Variants in AMOTL1 observed in about 807,000 individuals in gnomAD.
The protein encoded by AMOTL1 is angiomotin like 1.
Under a neutral mutation model 102.9 loss-of-function variants are expected in AMOTL1, and 45 were observed. The ratio of observed to expected loss-of-function variants is 0.44; its 90% CI spans 0.34 to 0.56. The LOEUF is 0.56. Ranked by LOEUF, AMOTL1 falls within the 20% of genes least tolerant of loss-of-function variation. AMOTL1 has a pLI of 0.01. For missense variants in AMOTL1, 1,114 were observed against 1,225.6 expected (o/e 0.91, Z 1.36); for synonymous variants, 481 against 484.7 (o/e 0.99, Z 0.10).
intron 4 of AMOTL1, among the ~76,000 whole-genome samples, chr11:94,828,448 G>A (rs1952009017): frequency 6.6e-6 from 1 of 152,012 alleles, no homozygotes; most frequent in Non-Finnish European, 1.5e-5. Context: ...ACTTGGATGA[G>A]ATCAGAGTTA....
At chr11:94,816,984 G>A (rs1027884290) in intron 3 of AMOTL1, among the ~76,000 whole-genome samples, 8 of 152,072 alleles carry the variant, frequency 5.3e-5, no homozygotes, top group African/African-American at 1.2e-4. Context: ...CAGCATATGA[G>A]CCTCTGTGTC....
At chr11:94,854,279 C>T (rs1406487534) in intron 8 of AMOTL1, among the ~76,000 whole-genome samples, 197 bp downstream of exon 8, 1 of 152,196 alleles carries the variant, frequency 6.6e-6, no homozygotes, top group Admixed American at 6.5e-5. Context: ...CAGATGTCCT[C>T]ACAGAGAGAA....
intron 3 of AMOTL1, among the ~76,000 whole-genome samples, chr11:94,744,051 A>G (rs1182970489): frequency 3.3e-5 from 5 of 152,194 alleles, no homozygotes; most frequent in Non-Finnish European, 5.9e-5. Flanking sequence ...CAGATGTCCT[A>G]GAATTTAATT....
chr11:94,866,360 C>A (rs571674213), intron 11 of AMOTL1, 192 bp downstream of exon 11: 69 of 614,504 alleles, frequency 1.1e-4, no homozygotes, highest in African/African-American at 1.1e-3. Flanking sequence ...AAAGACTGCA[C>A]CACTGGAGTA....
intron 4 of AMOTL1, among the ~76,000 whole-genome samples, chr11:94,826,913 T>C (rs530204564): frequency 1.1e-4 from 16 of 152,218 alleles, no homozygotes; most frequent in Non-Finnish European, 2.1e-4. Flanking sequence ...TCTAAGCAGA[T>C]AACCTTATGT....
intron 3 of AMOTL1, among the ~76,000 whole-genome samples, chr11:94,802,862 G>A (rs1305721504): frequency 1.3e-5 from 2 of 152,232 alleles, no homozygotes; most frequent in African/African-American, 4.8e-5. Context: ...TCAGCAGTGT[G>A]TCATGTTCAA....
intron 11 of AMOTL1, among the ~76,000 whole-genome samples, chr11:94,867,876 G>A (rs972370748): frequency 6.6e-6 from 1 of 152,204 alleles, no homozygotes; most frequent in Non-Finnish European, 1.5e-5. Context: ...AGGCACAGTT[G>A]GGTTTGAGTC....
At chr11:94,849,982 A>G in intron 6 of AMOTL1, 132 bp from the exon 7 acceptor site, 2 of 1,146,226 alleles carry the variant, frequency 1.7e-6, no homozygotes, top group Middle Eastern at 2.1e-4. Flanking sequence ...AAAAGGGAGC[A>G]GAAACAGCAA....
At chr11:94,812,073 G>A (rs914625309) in intron 3 of AMOTL1, among the ~76,000 whole-genome samples, 6 of 152,262 alleles carry the variant, frequency 3.9e-5, no homozygotes, top group East Asian at 1.9e-4. Flanking sequence ...GGGATTCTCC[G>A]GAGGGGAAGT....
chr11:94,822,014 A>G (rs548005430), intron 4 of AMOTL1, among the ~76,000 whole-genome samples, 193 bp downstream of exon 4: 3 of 152,270 alleles, frequency 2.0e-5, no homozygotes, highest in Admixed American at 2.0e-4. Flanking sequence ...AAAAGGGGAG[A>G]GAGTTGCATA....
In AMOTL1 at chr11:94,869,412, G is replaced by A. The variant is rs755363731; in HGVS notation, c.2703G>A (p.Thr901=). 38 of 1,604,980 alleles carry A rather than the reference G, an allele frequency of 2.4e-5. No homozygotes were observed. Among genetic ancestry groups the A allele is most frequent in the Middle Eastern group, 1.6e-4 (1 of 6,074 alleles). Reference sequence around the variant, plus strand: ...TTCCCAGCCGCGGCCGGCTGAGCACGACCCCTGCTCACAGCCCCGTCCTGA... The same window carrying A: ...TTCCCAGCCGCGGCCGGCTGAGCACAACCCCTGCTCACAGCCCCGTCCTGA... ...ASLPSRGRLS[T]TPAHSPVLKH... is the part of the protein sequence containing the mutation. Residue 901 remains threonine (T), a synonymous_variant, in exon 12 of 13, where the codon ACG becomes ACA. Transcript: ENST00000433060.
Position 94,824,530 on chromosome 11 carries a change from G to C in AMOTL1, c.1413+2709G>C, listed in dbSNP as rs144723000. Among the ~76,000 whole-genome samples, 228 of 152,260 alleles carry C rather than the reference G, an allele frequency of 1.5e-3. 2 individuals are homozygous for C. Among genetic ancestry groups the C allele is most frequent in the African/African-American group, 5.2e-3 (216 of 41,540 alleles). ...GTTGGATAACTGTTCTCAACAACTA[G>C]GACCAAGAGACACAAGAGTTGCATG... On this transcript the variant is annotated intron_variant, in intron 4 of 12. Transcript: ENST00000433060.
upstream of AMOTL1, among the ~76,000 whole-genome samples, chr11:94,767,871 A>G (rs757496572): frequency 2.0e-5 from 3 of 152,136 alleles, no homozygotes; most frequent in Non-Finnish European, 4.4e-5. Flanking sequence ...AACGGAGCAC[A>G]TAGTAGCAGC....
chr11:94,855,565 C>T (rs1240250095), intron 8 of AMOTL1, among the ~76,000 whole-genome samples: 4 of 152,160 alleles, frequency 2.6e-5, no homozygotes, highest in African/African-American at 9.7e-5. Flanking sequence ...ACCAAATGGG[C>T]ACATCTCGGT....
chr11:94,724,603 G>T (rs1030406462), intron 1 of AMOTL1, among the ~76,000 whole-genome samples: 1 of 152,052 alleles, frequency 6.6e-6, no homozygotes, highest in African/African-American at 2.4e-5. Flanking sequence ...GCTTGTACTT[G>T]GTATGTTGTT....
intron 6 of AMOTL1, among the ~76,000 whole-genome samples, chr11:94,833,683 T>C (rs1952118756): frequency 6.6e-6 from 1 of 152,158 alleles, no homozygotes; most frequent in African/African-American, 2.4e-5. Context: ...GAGGAGAAAT[T>C]CATGAGGGAC....
intron 6 of AMOTL1, among the ~76,000 whole-genome samples, chr11:94,839,122 G>A (rs1043145736): frequency 1.3e-5 from 2 of 152,202 alleles, no homozygotes; most frequent in Admixed American, 6.5e-5. Flanking sequence ...TCTGATGGCC[G>A]CCACAAGTGT....
chr11:94,839,214 C>T (rs1952245626), intron 6 of AMOTL1, among the ~76,000 whole-genome samples: 1 of 152,212 alleles, frequency 6.6e-6, no homozygotes, highest in African/African-American at 2.4e-5. Context: ...AGTTTCCATC[C>T]TTCAGGTCCT....
At position 94,856,225 on chromosome 11, in the gene AMOTL1, G is replaced by A. The variant is rs186794451; in HGVS notation, c.1944+2143G>A. ...TGGGACCAGAAGTGTTTTAGATTTT[G>A]TATTTTCAGGTTTAGGATGCTCAAT... is the stretch of plus-strand genomic sequence containing the variant. On this transcript the variant is annotated intron_variant, in intron 8 of 12. Transcript: ENST00000433060. Among the ~76,000 whole-genome samples the A allele has an allele frequency of 2.1e-4, 32 of 151,944 alleles. No individual in the cohort carries two copies. The East Asian group carries it at 6.2e-3, about 29-fold the overall frequency.
Sources: allele counts gnomAD v4.1 joint callset (sites outside exome capture counted in the v4.1 genomes callset), GRCh38; gene constraint gnomAD v4.1.1; transcripts MANE v1.5; gene names NCBI Gene and HGNC (gene_info 2026-07-23, HGNC 2026-07-21).